The following KMT2C variants were observed in gnomAD, a reference collection of about 807,000 sequenced individuals.
KMT2C encodes lysine methyltransferase 2C, also known as histone-lysine N-methyltransferase 2C.
A neutral mutation model predicts 507.9 loss-of-function variants in KMT2C; 88 were observed. The observed-to-expected ratio is 0.17, with a 90% confidence interval of 0.15 to 0.21. The LOEUF is 0.21. Among genes scored for constraint, KMT2C ranks in the 10% least tolerant of loss-of-function variants. The probability of loss-of-function intolerance (pLI) is 1.00; values close to 1 mark genes in which losing one functional copy is unlikely to be tolerated. For synonymous variants in KMT2C, 2,049 were observed against 2,080.8 expected (o/e 0.98, Z 0.42); for missense variants, 4,954 against 5,957.8 (o/e 0.83, Z 5.55).
At position 152,177,655 on chromosome 7, in the gene KMT2C, G is replaced by C. The variant is rs2270234; in HGVS notation, c.7798C>G (p.Pro2600Ala). Residue 2600 changes from proline to alanine, a missense_variant, in exon 38 of 59, where the codon CCG becomes GCG. Transcript: ENST00000262189. Reference sequence around the variant, plus strand: ...ATGGGGTCTGTGTGTCTAGGGCCCGGAAAGTCTGGCCGGGGAATGAAGTTT... The same window carrying C: ...ATGGGGTCTGTGTGTCTAGGGCCCGCAAAGTCTGGCCGGGGAATGAAGTTT... ...HGNFIPRPDF[P>A]GPRHTDPMRR... 6.1e-5 allele frequency: 99 copies of C among 1,614,176 alleles called. 1 individual carries two copies. In the East Asian group the frequency reaches 2.2e-3, roughly 36 times the overall value.
In KMT2C at chr7:152,248,285, T is replaced by C. The variant is rs376119019; in HGVS notation, c.2149A>G (p.Ile717Val). 6.2e-7 allele frequency: 1 copy of C among 1,613,908 alleles called. No individual in the cohort carries two copies. Among genetic ancestry groups the C allele is most frequent in the South Asian group, 1.1e-5 (1 of 91,078 alleles). ...ISLCPEEQLV[I>V]ERLQGEKEQK... ...TCCTTTTCTCCTTGTAGCCTTTCTA[T>C]AACCAACTGTTCCTCAGGACATAAT... Residue 717 changes from isoleucine (I) to valine (V), a missense_variant, in exon 14 of 59, where the codon ATA becomes GTA. Ile to Val is a conservative substitution (Grantham distance 29). Transcript: ENST00000262189.
chr7:152,221,918 C>G (rs2094784901), intron 22 of KMT2C, 83 bp downstream of exon 22: 2 of 930,924 alleles, frequency 2.1e-6, no homozygotes, highest in South Asian at 3.1e-5. Flanking sequence ...ATGATTGAAG[C>G]AGGTTTGACA....
At chr7:152,342,537 T>G (rs1052243703) in intron 2 of KMT2C, among the ~76,000 whole-genome samples, 5 of 152,122 alleles carry the variant, frequency 3.3e-5, no homozygotes, top group African/African-American at 1.2e-4. Context: ...GGCAAACAGG[T>G]ACCCTCAGAA....
chr7:152,194,088 T>C lies in KMT2C; in HGVS notation c.4581A>G (p.Val1527=), dbSNP rs2093891816. 4 of 1,592,440 alleles carry C rather than the reference T, an allele frequency of 2.5e-6. No individual in the cohort carries two copies. In the South Asian group the frequency reaches 3.5e-5, roughly 14 times the overall value. ...TTGGCTGAGTGTTCGCAGGACTAAG[T>C]ACAGCTGTAAATAAGTCTTCAACAT... ...GKDVEDLFTA[V]LSPANTQPTP... The change falls in exon 31 of 59, where the codon GTA becomes GTG. Residue 1527 remains valine (V), a synonymous_variant. Transcript: ENST00000262189.
At chr7:152,427,614 T>C (rs541757044) in intron 1 of KMT2C, among the ~76,000 whole-genome samples, 4 of 152,354 alleles carry the variant, frequency 2.6e-5, no homozygotes, top group Middle Eastern at 6.8e-3. Context: ...CTTGTATGTA[T>C]ATGTTGTCCA....
In KMT2C at chr7:152,149,152, C is replaced by T. The variant is rs2091397673; in HGVS notation, c.12775G>A (p.Glu4259Lys). ...GATTGTGGCAATGAAGGAATGGATTCCTGGGCAACATAAAGAAACCATGAC... is the reference window on the plus strand; with the variant it reads ...GATTGTGGCAATGAAGGAATGGATTTCTGGGCAACATAAAGAAACCATGAC... ...TAQAKNSENK[E>K]SIPSLPQSPM... The change falls in exon 52 of 59, where the codon GAA becomes AAA. Residue 4259 changes from glutamate to lysine, a missense_variant and splice_region_variant. Glu to Lys is a moderately conservative substitution (Grantham distance 56, BLOSUM62 1). Around this residue, in one of 29 missense-constraint regions of KMT2C, gnomAD observed 417 missense variants for 461.1 expected, o/e 0.90. Coordinates refer to ENST00000262189, the MANE Select transcript of KMT2C (RefSeq NM_170606.3). 1.0e-5 allele frequency: 15 copies of T among 1,455,304 alleles called. No individual in the cohort carries two copies. In the East Asian group the frequency reaches 3.6e-4, roughly 35 times the overall value. 90.1% of individuals were successfully genotyped at this position (1,455,304 alleles called of 1,614,324 possible). A position where few individuals can be genotyped will look rare whatever the true frequency, so the allele number is the denominator to read the frequency against.
chr7:152,162,905 G>A lies in KMT2C; in HGVS notation c.10672C>T (p.Pro3558Ser), dbSNP rs2129104092. 6.2e-7 allele frequency: 1 copy of A among 1,614,186 alleles called. No homozygotes were observed. Among genetic ancestry groups the A allele is most frequent in the South Asian group, 1.1e-5 (1 of 91,082 alleles). ...CTATTAGCTACTGGAGGTGCTGCTG[G>A]TAAAGCAGGTGTAAAAGAAGGCCTC... The part of the protein sequence containing the change: ...PVRPSFTPAL[P>S]AAPPVANSSL... Residue 3558 changes from proline (P) to serine (S), a missense_variant, in exon 43 of 59, where the codon CCA becomes TCA. Coordinates refer to ENST00000262189, the MANE Select transcript of KMT2C (RefSeq NM_170606.3).
chr7:152,435,054 TATC>T (rs899134183), intron 1 of KMT2C, among the ~76,000 whole-genome samples: 1 of 151,876 alleles, frequency 6.6e-6, no homozygotes, highest in African/African-American at 2.4e-5. Flanking sequence ...CTTCCTAATA[TATC>T]ATCAAAAGAA....
intron 1 of KMT2C, among the ~76,000 whole-genome samples, chr7:152,408,516 C>T (rs1372322720): frequency 6.6e-5 from 10 of 152,222 alleles, no homozygotes; most frequent in Non-Finnish European, 2.9e-5. Flanking sequence ...AGCAGGTGAG[C>T]GGCAGGCAAG....
In KMT2C at chr7:152,162,164, T is replaced by C. The variant is rs1563196409; in HGVS notation, c.11413A>G (p.Thr3805Ala). The change falls in exon 43 of 59, where the codon ACA becomes GCA. Residue 3805 changes from threonine (T) to alanine (A), a missense_variant. Physicochemically the swap from Thr to Ala is moderately conservative, Grantham distance 58. Transcript: ENST00000262189. ...EGSICSEDDCTKDNKLVEKQN... is the reference protein window; with the variant it reads ...EGSICSEDDCAKDNKLVEKQN... ...TTCTCAACTAGTTTATTATCCTTTG[T>C]ACAGTCATCTTCTGAACAAATACTG... is the stretch of plus-strand genomic sequence containing the variant. 6.2e-7 allele frequency: 1 copy of C among 1,606,818 alleles called. No homozygotes were observed. Among genetic ancestry groups the C allele is most frequent in the Admixed American group, 1.7e-5 (1 of 59,150 alleles).
intron 1 of KMT2C, among the ~76,000 whole-genome samples, chr7:152,416,118 G>T (rs2097733010): frequency 6.6e-6 from 1 of 152,236 alleles, no homozygotes; most frequent in Admixed American, 6.5e-5. Flanking sequence ...GCTGGGCATG[G>T]TGGCTTATGC....
chr7:152,182,952 AG>A (rs2093482969), intron 35 of KMT2C, 21 bp downstream of exon 35: 1 of 1,529,144 alleles, frequency 6.5e-7, no homozygotes. Flanking sequence ...TTCAAAAAGT[AG>A]ATTATCCAAA....
chr7:152,264,033 G>A (rs989828731), intron 8 of KMT2C, among the ~76,000 whole-genome samples: 18 of 152,112 alleles, frequency 1.2e-4, no homozygotes, highest in African/African-American at 2.4e-4. Context: ...AAAAAGTCAC[G>A]TTTTATCTCC....
intron 38 of KMT2C, 104 bp downstream of exon 38, chr7:152,176,087 G>A: frequency 8.5e-7 from 1 of 1,179,072 alleles, no homozygotes. Context: ...GAAAAACTCA[G>A]TGCTTTATTC....
At chr7:152,338,389 G>A (rs566363773) in intron 2 of KMT2C, among the ~76,000 whole-genome samples, 9 of 152,146 alleles carry the variant, frequency 5.9e-5, no homozygotes, top group African/African-American at 1.7e-4. Context: ...AGATCCCTAC[G>A]TTTAATGGAT....
rs1268146442 is a variant in KMT2C at position 152,138,974 on chromosome 7, T to C, written c.14535-70A>G. 8.2e-7 allele frequency: 1 copy of C among 1,218,770 alleles called. No individual in the cohort carries two copies. Among genetic ancestry groups the C allele is most frequent in the Non-Finnish European group, 1.2e-6 (1 of 825,890 alleles). 75.5% of individuals were successfully genotyped at this position (1,218,770 alleles called of 1,614,324 possible). On this transcript the variant is annotated intron_variant, in intron 57 of 58. Transcript: ENST00000262189. The surrounding 1 kb of genome is among the most constrained non-coding windows in gnomAD (Gnocchi z 4.2). ...AGCAGCTTTAAAAACTTCCCATTTATTGATAAAGCAGTTTTTGCTAATTAA... is the reference window on the plus strand; with the variant it reads ...AGCAGCTTTAAAAACTTCCCATTTACTGATAAAGCAGTTTTTGCTAATTAA...
At chr7:152,339,730 A>T (rs192987599) in intron 2 of KMT2C, among the ~76,000 whole-genome samples, 46 of 152,318 alleles carry the variant, frequency 3.0e-4, no homozygotes, top group African/African-American at 1.1e-3. Flanking sequence ...ATGCTCTATG[A>T]AAACAGGCAC....
At chr7:152,274,533 G>A (rs1192565775) in intron 6 of KMT2C, among the ~76,000 whole-genome samples, 2 of 152,128 alleles carry the variant, frequency 1.3e-5, no homozygotes, top group Non-Finnish European at 2.9e-5. Context: ...CAAACAAGAG[G>A]GGCAGTCTAG....
At chr7:152,399,374 A>G (rs2097557287) in intron 1 of KMT2C, among the ~76,000 whole-genome samples, 1 of 152,194 alleles carries the variant, frequency 6.6e-6, no homozygotes, top group African/African-American at 2.4e-5. Flanking sequence ...TTTAAAGCCA[A>G]ATTATTATTA....
Sources: allele counts gnomAD v4.1 joint callset (sites outside exome capture counted in the v4.1 genomes callset), GRCh38; gene constraint gnomAD v4.1.1; regional missense constraint gnomAD v4.1.1; non-coding constraint Gnocchi (gnomAD v3.1); transcripts MANE v1.5; gene names NCBI Gene and HGNC (gene_info 2026-07-23, HGNC 2026-07-21).